Variants in FHIT observed in about 807,000 individuals in gnomAD.
FHIT encodes the protein fragile histidine triad diadenosine triphosphatase.
A neutral mutation model predicts 17.9 loss-of-function variants in FHIT; 19 were observed. The ratio of observed to expected loss-of-function variants is 1.06; its 90% CI spans 0.74 to 1.56. The LOEUF is 1.56. Among genes scored for constraint, FHIT ranks in the 40% most tolerant of loss-of-function variants. The pLI, the probability that FHIT is intolerant of heterozygous loss-of-function variation, is 0.00. For missense variants in FHIT, 248 were observed against 189.2 expected, an observed-to-expected ratio of 1.31 and a Z score of -1.82; for synonymous variants, 81 against 69.7, an observed-to-expected ratio of 1.16 and a Z score of -0.81.
intron 4 of FHIT, among the ~76,000 whole-genome samples, chr3:60,797,616 T>C (rs1701029994): frequency 6.6e-6 from 1 of 151,204 alleles, no homozygotes; most frequent in Non-Finnish European, 1.5e-5. Context: ...CTTAGGCATA[T>C]TTTGCATTAT....
In FHIT at chr3:61,166,398, G is replaced by C. The variant is rs150729510; in HGVS notation, c.-164+34219C>G. On this transcript the variant is annotated intron_variant, in intron 2 of 9. Coordinates refer to ENST00000492590, the MANE Select transcript of FHIT (RefSeq NM_002012.4). ...ACTTCTGTTTTCATTATACCACCTT[G>C]CCAAGGAAACAAACACTCACCAGAC... Among the ~76,000 whole-genome samples, 307 of 152,190 alleles carry C rather than the reference G, an allele frequency of 2.0e-3. 4 individuals are homozygous for C. The highest frequency in any genetic ancestry group is 7.2e-3 in the African/African-American group (299 of 41,522).
chr3:60,538,805 G>T (rs1457572512), intron 4 of FHIT, among the ~76,000 whole-genome samples: 1 of 152,158 alleles, frequency 6.6e-6, no homozygotes, highest in East Asian at 1.9e-4. Context: ...ATGGATTAAA[G>T]ACTTAAATGT....
chr3:60,132,842 A>G (rs1269029769), intron 5 of FHIT, among the ~76,000 whole-genome samples: 1 of 152,186 alleles, frequency 6.6e-6, no homozygotes, highest in African/African-American at 2.4e-5. Context: ...TTTAAAATCA[A>G]AATTCCTGTT....
chr3:60,964,128 A>C (rs965138772), intron 3 of FHIT, among the ~76,000 whole-genome samples: 4 of 152,176 alleles, frequency 2.6e-5, no homozygotes, highest in African/African-American at 9.7e-5. Flanking sequence ...TATTGGGTGC[A>C]TATATATTTA....
intron 4 of FHIT, among the ~76,000 whole-genome samples, chr3:60,790,400 T>C (rs1407641515): frequency 6.6e-6 from 1 of 152,208 alleles, no homozygotes; most frequent in Non-Finnish European, 1.5e-5. Flanking sequence ...CATCACTCGC[T>C]CCAGTTAAAT....
At chr3:60,175,491 G>A (rs1013248189) in intron 5 of FHIT, among the ~76,000 whole-genome samples, 1 of 152,078 alleles carries the variant, frequency 6.6e-6, no homozygotes, top group African/African-American at 2.4e-5. Context: ...TAGGGTAGGA[G>A]GGAAGAAAAG....
At chr3:60,376,061 C>T (rs890677272) in intron 5 of FHIT, among the ~76,000 whole-genome samples, 13 of 152,306 alleles carry the variant, frequency 8.5e-5, no homozygotes, top group African/African-American at 3.1e-4. Context: ...TCCTGTTCTT[C>T]TATTTCATTC....
chr3:60,441,768 ATT>A (rs1491271442), intron 5 of FHIT, among the ~76,000 whole-genome samples: 15,098 of 34,186 alleles, frequency 0.44, 4,675 homozygotes, highest in Non-Finnish European at 0.64. Flanking sequence ...ATATATATAT[ATT>A]TATATGTATA....
intron 5 of FHIT, among the ~76,000 whole-genome samples, chr3:60,446,849 T>C (rs2031367947): frequency 7.4e-6 from 1 of 135,314 alleles, no homozygotes; most frequent in South Asian, 2.6e-4. Flanking sequence ...CAAGACCCTA[T>C]CTCATTAAAA....
intron 4 of FHIT, among the ~76,000 whole-genome samples, chr3:60,786,798 A>C (rs1553727088): frequency 6.6e-6 from 1 of 152,174 alleles, no homozygotes. Flanking sequence ...AATACTTGTG[A>C]ATGAAGAATG....
intron 3 of FHIT, among the ~76,000 whole-genome samples, chr3:60,927,559 C>A (rs1296031723): frequency 6.6e-6 from 1 of 152,088 alleles, no homozygotes; most frequent in African/African-American, 2.4e-5. Flanking sequence ...GCCTGGCCGC[C>A]CATCATCTGG....
chr3:60,855,101 T>TC (rs1703327692), intron 3 of FHIT, among the ~76,000 whole-genome samples: 1 of 152,178 alleles, frequency 6.6e-6, no homozygotes, highest in Non-Finnish European at 1.5e-5. Context: ...TTAGAAGTGT[T>TC]ATGGTTTTCT....
At chr3:60,070,182 C>T (rs1320106456) in intron 5 of FHIT, among the ~76,000 whole-genome samples, 1 of 152,186 alleles carries the variant, frequency 6.6e-6, no homozygotes, top group Non-Finnish European at 1.5e-5. Flanking sequence ...CCCTCAAGAA[C>T]TGACTCACCA....
At chr3:61,077,116 C>T (rs942804918) in intron 2 of FHIT, among the ~76,000 whole-genome samples, 1 of 152,082 alleles carries the variant, frequency 6.6e-6, no homozygotes, top group Non-Finnish European at 1.5e-5. Context: ...CTTGAACCAA[C>T]AAACATTTGT....
intron 5 of FHIT, among the ~76,000 whole-genome samples, chr3:60,209,117 G>A (rs1703332963): frequency 6.6e-6 from 1 of 151,974 alleles, no homozygotes; most frequent in Non-Finnish European, 1.5e-5. Context: ...AAAAACAAAT[G>A]CCAAAACATT....
chr3:59,768,473 C>A (rs1335037192), intron 8 of FHIT, among the ~76,000 whole-genome samples: 1 of 152,188 alleles, frequency 6.6e-6, no homozygotes, highest in Non-Finnish European at 1.5e-5. Context: ...CCTGATCCAC[C>A]AGCACTGGAC....
At chr3:60,809,587 T>C (rs741890) in intron 4 of FHIT, among the ~76,000 whole-genome samples, 1,754 of 152,306 alleles carry the variant, frequency 0.012, 30 homozygotes, top group African/African-American at 0.039. Flanking sequence ...TCTTGCTTCT[T>C]TAGCAAATTC....
At chr3:60,066,876 C>T (rs1702537834) in intron 5 of FHIT, among the ~76,000 whole-genome samples, 2 of 151,824 alleles carry the variant, frequency 1.3e-5, no homozygotes, top group African/African-American at 4.8e-5. Flanking sequence ...GATCTCCTGA[C>T]CTTGTGATCC....
chr3:60,351,269 A>G (rs945466420), intron 5 of FHIT, among the ~76,000 whole-genome samples: 2 of 152,156 alleles, frequency 1.3e-5, no homozygotes, highest in African/African-American at 4.8e-5. Context: ...AGTTTGACTG[A>G]TATTTATTTT....
Sources: allele counts gnomAD v4.1 joint callset (sites outside exome capture counted in the v4.1 genomes callset), GRCh38; gene constraint gnomAD v4.1.1; transcripts MANE v1.5; gene names NCBI Gene and HGNC (gene_info 2026-07-23, HGNC 2026-07-21).